The following NLRP3 variants were observed in gnomAD, a reference collection of about 807,000 sequenced individuals.
NLRP3 encodes the protein NACHT, LRR and PYD domains-containing protein 3.
Under a neutral mutation model 91.3 loss-of-function variants are expected in NLRP3, and 48 were observed. That is an observed-to-expected ratio of 0.53 (90% CI 0.42 to 0.67). NLRP3 has a LOEUF of 0.67. Ranked by LOEUF, NLRP3 falls within the 30% of genes least tolerant of loss-of-function variation. The pLI is 0.00. For missense variants in NLRP3, 982 were observed against 1,276.9 expected, an observed-to-expected ratio of 0.77 and a Z score of 3.52; for synonymous variants, 561 against 507.9, an observed-to-expected ratio of 1.10 and a Z score of -1.41.
intron 7 of NLRP3, among the ~76,000 whole-genome samples, chr1:247,441,134 T>C (rs1030487603): frequency 1.4e-4 from 3 of 21,952 alleles, no homozygotes; most frequent in African/African-American, 3.9e-4. Context: ...TTTTTCTCTT[T>C]CTTTCTTTCT....
At chr1:247,430,465 C>A (rs1410672931) in intron 5 of NLRP3, among the ~76,000 whole-genome samples, 1 of 152,130 alleles carries the variant, frequency 6.6e-6, no homozygotes, top group African/African-American at 2.4e-5. Flanking sequence ...TTAATCTAGT[C>A]ACTCCTTTAA....
intron 2 of NLRP3, among the ~76,000 whole-genome samples, chr1:247,422,378 CA>C (rs3078448): frequency 4.8e-4 from 68 of 141,786 alleles, no homozygotes; most frequent in African/African-American, 3.9e-4. Context: ...GGCCCTGTCT[CA>C]AAAAAAAAAA....
At chr1:247,444,290 A>G (rs1664449305) in intron 8 of NLRP3, 148 bp downstream of exon 8, 4 of 869,052 alleles carry the variant, frequency 4.6e-6, no homozygotes, top group Non-Finnish European at 7.6e-6. Flanking sequence ...TGGGACTGGG[A>G]GGAGTCCTTC....
chr1:247,435,958 T>C lies in NLRP3; in HGVS notation c.2493-12T>C. On this transcript the variant is annotated splice_polypyrimidine_tract_variant and intron_variant, in intron 6 of 9. Coordinates refer to ENST00000336119, the MANE Select transcript of NLRP3 (RefSeq NM_001243133.2). Reference sequence around the variant, plus strand: ...GAGAGACATGACTGACATTCTGCCATCTCTATGGAAGGTTGGTCAGCTGCT... The same window carrying C: ...GAGAGACATGACTGACATTCTGCCACCTCTATGGAAGGTTGGTCAGCTGCT... 1 of 1,613,514 alleles carries C rather than the reference T, an allele frequency of 6.2e-7. No individual in the cohort carries two copies. The highest frequency in any genetic ancestry group is 8.5e-7 in the Non-Finnish European group (1 of 1,179,928).
chr1:247,419,172 T>TTC, intron 2 of NLRP3, 95 bp downstream of exon 2: 1 of 892,578 alleles, frequency 1.1e-6, no homozygotes. Context: ...ATATTTTTTT[T>TTC]TGAGACGGAG....
At chr1:247,438,763 C>A (rs908611866) in intron 7 of NLRP3, among the ~76,000 whole-genome samples, 3 of 152,204 alleles carry the variant, frequency 2.0e-5, no homozygotes, top group African/African-American at 7.2e-5. Context: ...ATTTCAACAA[C>A]AGTAGGTCTC....
intron 1 of NLRP3, among the ~76,000 whole-genome samples, chr1:247,417,585 G>A (rs1454921568): frequency 2.6e-5 from 4 of 151,930 alleles, no homozygotes; most frequent in East Asian, 1.9e-4. Flanking sequence ...GGGTTCAAGC[G>A]ATTCTCCTGC....
chr1:247,444,911 C>A, intron 9 of NLRP3, 90 bp downstream of exon 9: 1 of 1,356,690 alleles, frequency 7.4e-7, no homozygotes, highest in Non-Finnish European at 1.0e-6. Context: ...GCTCTCGCTT[C>A]ATTTGCAGCC....
chr1:247,434,810 G>C (rs899903026), intron 6 of NLRP3, among the ~76,000 whole-genome samples: 1 of 152,162 alleles, frequency 6.6e-6, no homozygotes, highest in African/African-American at 2.4e-5. Context: ...GTGTGGGTGC[G>C]GAGAAATGGA....
chr1:247,445,438 G>A (rs577594783), intron 9 of NLRP3, among the ~76,000 whole-genome samples: 1 of 152,070 alleles, frequency 6.6e-6, no homozygotes, highest in Non-Finnish European at 1.5e-5. Context: ...CTGACCTCGT[G>A]ATCTGCCTGC....
chr1:247,434,316 C>A, intron 6 of NLRP3, 43 bp downstream of exon 6: 2 of 1,609,524 alleles, frequency 1.2e-6, no homozygotes, highest in Non-Finnish European at 1.7e-6. Flanking sequence ...GCCAGCGAGG[C>A]GTGCTGCGCA....
Position 247,424,323 on chromosome 1 carries a change from C to T in NLRP3, c.874C>T (p.Pro292Ser), listed in dbSNP as rs551324997. The T allele has an allele frequency of 1.9e-6, 3 of 1,565,158 alleles. No homozygotes were observed. Among genetic ancestry groups the T allele is most frequent in the Non-Finnish European group, 1.7e-6 (2 of 1,151,182 alleles). Residue 292 changes from proline (P) to serine (S), a missense_variant, in exon 4 of 10, where the codon CCC becomes TCC. Transcript: ENST00000336119. This position sits in a 1 kb window ranked among gnomAD's most constrained non-coding sequence, Gnocchi z 8.1. ...ACCCATCCACAAGATCGTGAGAAAA[C>T]CCTCCAGAATCCTCTTCCTCATGGA... is the stretch of plus-strand genomic sequence containing the variant. ...NPPIHKIVRK[P>S]SRILFLMDGF...
At chr1:247,442,920 C>A (rs1664325670) in intron 7 of NLRP3, among the ~76,000 whole-genome samples, 1 of 151,962 alleles carries the variant, frequency 6.6e-6, no homozygotes, top group Non-Finnish European at 1.5e-5. Context: ...AAGAGCCTGG[C>A]TTTTTCTATT....
At chr1:247,420,975 C>G (rs1662417371) in intron 2 of NLRP3, among the ~76,000 whole-genome samples, 1 of 152,212 alleles carries the variant, frequency 6.6e-6, no homozygotes, top group Admixed American at 6.5e-5. Flanking sequence ...GTGTGGTCAG[C>G]AGGCTTGGGC....
Position 247,428,885 on chromosome 1 carries a change from A to AT in NLRP3, c.2151-696dup, listed in dbSNP as rs71568613. On this transcript the variant is annotated intron_variant, in intron 4 of 9. Coordinates refer to ENST00000336119, the MANE Select transcript of NLRP3 (RefSeq NM_001243133.2). ...TCCATGGATGTGGCCTGGGCTTGCG[A>AT]TTTTCTTTTTCTTTTTTTTTTTTTT... 9.0e-4 allele frequency among the ~76,000 whole-genome samples: 106 copies of AT among 118,272 alleles called. No homozygotes were observed. The Middle Eastern group carries it at 0.021, about 23-fold the overall frequency. The allele number at this position is 118,272 out of a possible 152,430, so 77.6% of individuals were successfully genotyped here. A position where few individuals can be genotyped will look rare whatever the true frequency, so the allele number is the denominator to read the frequency against.
chr1:247,423,476 T>C, intron 3 of NLRP3, 127 bp downstream of exon 3: 1 of 1,134,012 alleles, frequency 8.8e-7, no homozygotes, highest in Non-Finnish European at 1.3e-6. Flanking sequence ...AAGGCCTGTC[T>C]CAGGAAATCC....
Position 247,418,804 on chromosome 1 carries a change from G to A in NLRP3, c.4G>A (p.Ala2Thr). The part of the protein sequence containing the change: M[A>T]STRCKLARYL... The stretch of plus-strand genomic sequence containing the variant: ...CTGAAAACAGCTGCAGATGAAGATG[G>A]CAAGCACCCGCTGCAAGCTGGCCAG... The change falls in exon 2 of 10, where the codon GCA (alanine) becomes ACA (threonine). Residue 2 changes from alanine to threonine, a missense_variant. Ala to Thr is a moderately conservative substitution (Grantham distance 58). Coordinates refer to ENST00000336119, the MANE Select transcript of NLRP3 (RefSeq NM_001243133.2). The A allele has an allele frequency of 6.2e-7, 1 of 1,613,790 alleles. No individual in the cohort carries two copies. Among genetic ancestry groups the A allele is most frequent in the Non-Finnish European group, 8.5e-7 (1 of 1,180,022 alleles).
Position 247,448,545 on chromosome 1 carries a change from C to A in NLRP3, c.*41C>A. 1.6e-6 allele frequency: 2 copies of A among 1,263,776 alleles called. No homozygotes were observed. Among genetic ancestry groups the A allele is most frequent in the Non-Finnish European group, 2.3e-6 (2 of 860,236 alleles). 78.3% of individuals were successfully genotyped at this position (1,263,776 alleles called of 1,614,324 possible). A position where few individuals can be genotyped will look rare whatever the true frequency, so the allele number is the denominator to read the frequency against. On this transcript the variant is annotated 3_prime_UTR_variant, in exon 10 of 10. Transcript: ENST00000336119. ...TGCCAGACGCCAGTGTTCTCCGGTCCCTCCAGCTGGGGGCCCTCAGGTGGA... is the reference window on the plus strand; with the variant it reads ...TGCCAGACGCCAGTGTTCTCCGGTCACTCCAGCTGGGGGCCCTCAGGTGGA...
intron 4 of NLRP3, among the ~76,000 whole-genome samples, chr1:247,426,419 A>G (rs530243641): frequency 2.0e-5 from 3 of 152,324 alleles, no homozygotes; most frequent in Non-Finnish European, 4.4e-5. Context: ...TGCCTCCTGC[A>G]GAAGGACCAC....
Sources: gnomAD v4.1 joint callset for allele counts (sites outside exome capture counted in the v4.1 genomes callset) on GRCh38, gnomAD v4.1.1 for gene constraint, Gnocchi (gnomAD v3.1) non-coding constraint, MANE v1.5 for transcripts, NCBI Gene and HGNC (gene_info 2026-07-23, HGNC 2026-07-21) for gene names.